The following FDX1 variants were observed in gnomAD, a reference collection of about 807,000 sequenced individuals.
The protein encoded by FDX1 is ferredoxin 1, also known as adrenodoxin, mitochondrial.
In FDX1, 9 loss-of-function variants were observed where a neutral mutation model predicts 14.9. That is an observed-to-expected ratio of 0.60 (90% confidence interval 0.36 to 1.05). The LOEUF is 1.05. Ranked by LOEUF, FDX1 falls within the 50% of genes least tolerant of loss-of-function variation. The pLI is 0.01. For missense variants in FDX1, 204 were observed against 237.2 expected, an observed-to-expected ratio of 0.86 and a Z score of 0.92; for synonymous variants, 92 against 99.4, an observed-to-expected ratio of 0.93 and a Z score of 0.44.
chr11:110,464,203 G>A lies in FDX1; in HGVS notation c.*1735G>A, dbSNP rs1280225619. The A allele has an allele frequency of 2.6e-5, 4 of 152,176 alleles. No homozygotes were observed. Among genetic ancestry groups the A allele is most frequent in the African/African-American group, 9.7e-5 (4 of 41,428 alleles). The allele number at this position is 152,176 out of a possible 1,614,324, so 9.4% of individuals were successfully genotyped here. ...GCTGGGATTACAGATGTGAGCCACC[G>A]TGCTTGGCCATAACTATTGAATGCT... On this transcript the variant is annotated 3_prime_UTR_variant, in exon 4 of 4. Coordinates refer to ENST00000260270, the MANE Select transcript of FDX1 (RefSeq NM_004109.5).
intron 2 of FDX1, among the ~76,000 whole-genome samples, chr11:110,437,203 A>T (rs777110719): frequency 5.3e-5 from 8 of 152,192 alleles, no homozygotes; most frequent in Non-Finnish European, 7.3e-5. Flanking sequence ...CACATTGCCC[A>T]GCCTGGTCTT....
In FDX1 at chr11:110,430,144, G is replaced by A. The variant is rs578015255; in HGVS notation, c.24G>A (p.Arg8=). The change falls in exon 1 of 4, where the codon CGG becomes CGA. Residue 8 remains arginine (R), a synonymous_variant. Coordinates refer to ENST00000260270, the MANE Select transcript of FDX1 (RefSeq NM_004109.5). ...CGATGGCTGCCGCTGGGGGCGCCCG[G>A]CTGCTGCGCGCCGCTTCTGCTGTCC... MAAAGGA[R]LLRAASAVLG... is the part of the protein sequence containing the mutation. 7.1e-5 allele frequency: 88 copies of A among 1,241,554 alleles called. 1 individual carries two copies. The South Asian group carries it at 2.1e-3, about 29-fold the overall frequency. 76.9% of individuals were successfully genotyped at this position (1,241,554 alleles called of 1,614,324 possible).
chr11:110,459,458 A>G (rs979567644), intron 3 of FDX1, among the ~76,000 whole-genome samples: 1 of 152,190 alleles, frequency 6.6e-6, no homozygotes, highest in African/African-American at 2.4e-5. Flanking sequence ...GTAGGTGGGG[A>G]AACAAGGTTT....
At chr11:110,457,413 T>TAGAG (rs10657694) in intron 3 of FDX1, among the ~76,000 whole-genome samples, 74,074 of 151,446 alleles carry the variant, frequency 0.49, 18,708 homozygotes, top group East Asian at 0.63. Context: ...TTTCACCTAT[T>TAGAG]AGAACAGAAT....
intron 2 of FDX1, among the ~76,000 whole-genome samples, chr11:110,447,008 C>G (rs71490518): frequency 1.3e-5 from 2 of 152,004 alleles, no homozygotes; most frequent in East Asian, 1.9e-4. Flanking sequence ...AAACCCGTCT[C>G]TACTAAAAAT....
intron 2 of FDX1, among the ~76,000 whole-genome samples, chr11:110,447,112 G>A (rs1480177003): frequency 1.3e-5 from 2 of 150,788 alleles, no homozygotes; most frequent in Non-Finnish European, 2.9e-5. Flanking sequence ...GGAGTCAGAG[G>A]TTGCAGTGAG....
Position 110,464,692 on chromosome 11 carries a change from T to C in FDX1, c.*2224T>C, listed in dbSNP as rs1403555717. On this transcript the variant is annotated 3_prime_UTR_variant, in exon 4 of 4. Coordinates refer to ENST00000260270, the MANE Select transcript of FDX1 (RefSeq NM_004109.5). ...AATTTATTCTCTTAATTAGCTTCAT[T>C]ATTCTTGTCTTTGTGTGTGGATTAC... is the stretch of plus-strand genomic sequence containing the variant. 5.3e-5 allele frequency: 8 copies of C among 152,222 alleles called. No individual in the cohort carries two copies. Among genetic ancestry groups the C allele is most frequent in the African/African-American group, 1.9e-4 (8 of 41,460 alleles). 9.4% of individuals were successfully genotyped at this position (152,222 alleles called of 1,614,324 possible). A position where few individuals can be genotyped will look rare whatever the true frequency, so the allele number is the denominator to read the frequency against.
At chr11:110,461,071 A>G (rs1946553476) in intron 3 of FDX1, among the ~76,000 whole-genome samples, 1 of 152,256 alleles carries the variant, frequency 6.6e-6, no homozygotes, top group South Asian at 2.1e-4. Flanking sequence ...TTCTTTTTAT[A>G]TGCCACTAAG....
intron 2 of FDX1, among the ~76,000 whole-genome samples, chr11:110,436,227 T>A (rs1232234326): frequency 2.6e-5 from 4 of 152,142 alleles, no homozygotes; most frequent in Non-Finnish European, 5.9e-5. Context: ...AAGCCGACGG[T>A]AGGGAGTAGA....
chr11:110,434,959 T>G (rs564008664), intron 1 of FDX1, among the ~76,000 whole-genome samples: 1 of 152,220 alleles, frequency 6.6e-6, no homozygotes, highest in South Asian at 2.1e-4. Flanking sequence ...CTCTCTGTGT[T>G]GCTCAGGCTG....
At chr11:110,442,810 A>G (rs1202095822) in intron 2 of FDX1, among the ~76,000 whole-genome samples, 1 of 152,168 alleles carries the variant, frequency 6.6e-6, no homozygotes, top group Non-Finnish European at 1.5e-5. Context: ...CAGGGGCAGA[A>G]TGATATGGTC....
chr11:110,429,700 G>A (rs952234037), upstream of FDX1, among the ~76,000 whole-genome samples: 1 of 152,154 alleles, frequency 6.6e-6, no homozygotes, highest in Non-Finnish European at 1.5e-5. Context: ...GGGGATGGGG[G>A]TATGCGGAAC....
intron 2 of FDX1, among the ~76,000 whole-genome samples, chr11:110,453,678 A>G (rs972861294): frequency 6.6e-6 from 1 of 151,850 alleles, no homozygotes; most frequent in African/African-American, 2.4e-5. Flanking sequence ...AAAACTACTC[A>G]TCTGTCTTCT....
Position 110,445,984 on chromosome 11 carries a change from AAT to A in FDX1, c.310+10030_310+10031del, listed in dbSNP as rs1208801072. On this transcript the variant is annotated intron_variant, in intron 2 of 3. Coordinates refer to ENST00000260270, the MANE Select transcript of FDX1 (RefSeq NM_004109.5). ...TAATCTTTTTTCCGAATACCCAAGA[AAT>A]ATAGAAAATTTAATGTAAATTTAAA... Among the ~76,000 whole-genome samples the A allele has an allele frequency of 2.6e-4, 39 of 152,346 alleles. No individual in the cohort carries two copies. In the East Asian group the frequency reaches 3.3e-3, roughly 13 times the overall value.
At chr11:110,429,912 C>G (rs548816482), upstream of FDX1, 1 of 343,348 alleles carries the variant, frequency 2.9e-6, no homozygotes, top group Non-Finnish European at 5.2e-6. Flanking sequence ...GGGCCGCGCT[C>G]TGCTTGCCAA....
chr11:110,443,898 C>G (rs1261919233), intron 2 of FDX1, among the ~76,000 whole-genome samples: 1 of 151,458 alleles, frequency 6.6e-6, no homozygotes, highest in Non-Finnish European at 1.5e-5. Flanking sequence ...TGTCCTTTGC[C>G]TATTTTTTTA....
chr11:110,433,402 A>G (rs1946344227), intron 1 of FDX1, among the ~76,000 whole-genome samples: 1 of 152,166 alleles, frequency 6.6e-6, no homozygotes, highest in Non-Finnish European at 1.5e-5. Context: ...GTTAAATGGT[A>G]CCACCTAATT....
chr11:110,452,300 C>T (rs1410028971), intron 2 of FDX1, among the ~76,000 whole-genome samples: 2 of 151,908 alleles, frequency 1.3e-5, no homozygotes, highest in African/African-American at 4.8e-5. Flanking sequence ...ACTGAAAAGC[C>T]AAACTACAGA....
In FDX1 at chr11:110,463,908, T is replaced by C. The variant is rs1946575296; in HGVS notation, c.*1440T>C. 1 of 151,754 alleles carries C rather than the reference T, an allele frequency of 6.6e-6. No individual in the cohort carries two copies. The highest frequency in any genetic ancestry group is 2.4e-5 in the African/African-American group (1 of 41,272). 9.4% of individuals were successfully genotyped at this position (151,754 alleles called of 1,614,324 possible). A position where few individuals can be genotyped will look rare whatever the true frequency, so the allele number is the denominator to read the frequency against. On this transcript the variant is annotated 3_prime_UTR_variant, in exon 4 of 4. Coordinates refer to ENST00000260270, the MANE Select transcript of FDX1 (RefSeq NM_004109.5). ...AATAACTATTGAGTAGTTTTTTTTT[T>C]TTTTTTTTGGTGGGGGGAGCGGGGG...
Sources: gnomAD v4.1 joint callset for allele counts (sites outside exome capture counted in the v4.1 genomes callset) on GRCh38, gnomAD v4.1.1 for gene constraint, MANE v1.5 for transcripts, NCBI Gene and HGNC (gene_info 2026-07-23, HGNC 2026-07-21) for gene names.